Variants in ADGRL2 observed in about 807,000 individuals in gnomAD.
The protein encoded by ADGRL2 is adhesion G protein-coupled receptor L2.
In ADGRL2, 44 loss-of-function variants were observed where a neutral mutation model predicts 157.4. That is an observed-to-expected ratio of 0.28 (90% confidence interval 0.22 to 0.36). The LOEUF is 0.36. ADGRL2 is among the 10% of genes least tolerant of loss of function. ADGRL2 has a pLI of 1.00. For missense variants in ADGRL2, 1,510 were observed against 1,768.9 expected (o/e 0.85, Z 2.63); for synonymous variants, 585 against 624.7 (o/e 0.94, Z 0.95).
At chr1:81,416,009 T>A (rs1413493205) in intron 1 of ADGRL2, among the ~76,000 whole-genome samples, 1 of 151,890 alleles carries the variant, frequency 6.6e-6, no homozygotes, top group African/African-American at 2.4e-5. Flanking sequence ...CCAGGCTAAT[T>A]TTTTGTATTT....
chr1:81,550,028 T>C (rs1368431916), intron 2 of ADGRL2, among the ~76,000 whole-genome samples: 2 of 152,194 alleles, frequency 1.3e-5, no homozygotes, highest in African/African-American at 4.8e-5. Flanking sequence ...GGATTTGCCA[T>C]TGGTCTGAAT....
chr1:81,504,299 CCAGCCTTCTT>C (rs992381168), intron 2 of ADGRL2, among the ~76,000 whole-genome samples: 212 of 152,228 alleles, frequency 1.4e-3, no homozygotes, highest in African/African-American at 4.5e-3. Context: ...CCAGTCCTCC[CCAGCCTTCTT>C]CAGCCTTCTT....
intron 2 of ADGRL2, among the ~76,000 whole-genome samples, chr1:81,476,630 T>G (rs1392068070): frequency 6.6e-6 from 1 of 152,182 alleles, no homozygotes; most frequent in East Asian, 1.9e-4. Flanking sequence ...TTCTTTTCAA[T>G]GGATTCCATA....
At chr1:81,870,204 A>G (rs921288755) in intron 2 of ADGRL2, among the ~76,000 whole-genome samples, 17 of 25,780 alleles carry the variant, frequency 6.6e-4, no homozygotes, top group African/African-American at 2.0e-3. Context: ...GTTGAAATAG[A>G]TGATTTGCAA....
chr1:81,503,026 G>A, intron 2 of ADGRL2: 2 of 1,612,684 alleles, frequency 1.2e-6, no homozygotes, highest in South Asian at 1.1e-5. Context: ...AAGCCAGCAG[G>A]CTGGTACTCG....
At chr1:81,984,319 A>G in intron 19 of ADGRL2, 1 of 250,988 alleles carries the variant, frequency 4.0e-6, no homozygotes, top group Non-Finnish European at 7.5e-6. Context: ...TAACATTTAT[A>G]TAATAACAGG....
intron 1 of ADGRL2, among the ~76,000 whole-genome samples, chr1:81,415,653 G>A (rs916326113): frequency 6.6e-6 from 1 of 152,090 alleles, no homozygotes; most frequent in Admixed American, 6.5e-5. Context: ...TACTCCCTGC[G>A]AGTATGACCC....
At chr1:81,865,870 T>C (rs1250730574) in intron 2 of ADGRL2, among the ~76,000 whole-genome samples, 1 of 152,208 alleles carries the variant, frequency 6.6e-6, no homozygotes, top group Non-Finnish European at 1.5e-5. Flanking sequence ...AAGGTAAAAG[T>C]GACAGCAGTT....
At chr1:81,467,406 CAA>C (rs2078080145) in intron 2 of ADGRL2, among the ~76,000 whole-genome samples, 2 of 152,062 alleles carry the variant, frequency 1.3e-5, no homozygotes, top group African/African-American at 4.8e-5. Context: ...GGGAGGAAAA[CAA>C]AGAGTAAAAA....
chr1:81,804,710 G>A (rs1259570022), intron 1 of ADGRL2, among the ~76,000 whole-genome samples: 2 of 152,168 alleles, frequency 1.3e-5, no homozygotes, highest in African/African-American at 4.8e-5. Flanking sequence ...ACTGTTGCCT[G>A]TCTTTTGGGG....
chr1:81,773,201 C>T (rs2086446607), intron 2 of ADGRL2, among the ~76,000 whole-genome samples: 1 of 152,136 alleles, frequency 6.6e-6, no homozygotes, highest in African/African-American at 2.4e-5. Flanking sequence ...AGCCTTAATT[C>T]CAGTTATTAA....
At chr1:81,812,241 T>TAATC (rs1415642356) in intron 1 of ADGRL2, among the ~76,000 whole-genome samples, 1 of 151,854 alleles carries the variant, frequency 6.6e-6, no homozygotes, top group Admixed American at 6.6e-5. Context: ...TGCGATGAAA[T>TAATC]AATCAAAGCA....
upstream of ADGRL2, among the ~76,000 whole-genome samples, chr1:81,698,001 A>G (rs146109451): frequency 7.6e-4 from 115 of 152,298 alleles, no homozygotes; most frequent in Non-Finnish European, 1.5e-3. Context: ...ACAAACTGGA[A>G]TCTCTCCAAT....
At chr1:81,952,245 C>A in intron 9 of ADGRL2, 103 bp downstream of exon 9, 6 of 844,234 alleles carry the variant, frequency 7.1e-6, no homozygotes, top group Non-Finnish European at 1.0e-5. Context: ...GGGACATATA[C>A]TTAGAAGCAA....
At chr1:81,616,055 C>A (rs1043618725) in intron 3 of ADGRL2, among the ~76,000 whole-genome samples, 1 of 144,930 alleles carries the variant, frequency 6.9e-6, no homozygotes, top group African/African-American at 2.6e-5. Flanking sequence ...CCCCACCCAA[C>A]ATCAAGGCCT....
At chr1:81,971,242 A>G (rs1658640690) in intron 16 of ADGRL2, among the ~76,000 whole-genome samples, 1 of 152,178 alleles carries the variant, frequency 6.6e-6, no homozygotes, top group Non-Finnish European at 1.5e-5. Context: ...TGGGGATTCC[A>G]TGTTATATGA....
intron 1 of ADGRL2, chr1:81,722,422 G>A: frequency 9.8e-7 from 1 of 1,021,528 alleles, no homozygotes; most frequent in Non-Finnish European, 1.5e-6. Context: ...ATGCCATTAA[G>A]CTGAATTTGC....
upstream of ADGRL2, among the ~76,000 whole-genome samples, chr1:81,698,232 C>A (rs878939306): frequency 6.6e-6 from 1 of 152,098 alleles, no homozygotes; most frequent in Non-Finnish European, 1.5e-5. Context: ...AGGAAGATCT[C>A]ATTTAAAATG....
At chr1:81,705,447 C>A (rs905993504) in intron 1 of ADGRL2, among the ~76,000 whole-genome samples, 5 of 152,000 alleles carry the variant, frequency 3.3e-5, no homozygotes, top group Non-Finnish European at 7.4e-5. Context: ...GGGGTTTCAC[C>A]ATGTTGGCCA....
Sources: gnomAD v4.1 joint callset for allele counts (sites outside exome capture counted in the v4.1 genomes callset) on GRCh38, gnomAD v4.1.1 for gene constraint, MANE v1.5 for transcripts, NCBI Gene and HGNC (gene_info 2026-07-23, HGNC 2026-07-21) for gene names.